The following GATA3 variants were observed in gnomAD, a reference collection of about 807,000 sequenced individuals.
The protein encoded by GATA3 is GATA binding protein 3.
In GATA3, 6 loss-of-function variants were observed where a neutral mutation model predicts 36.0. That is an observed-to-expected ratio of 0.17 (90% confidence interval 0.09 to 0.33). The LOEUF (loss-of-function observed/expected upper bound fraction) is 0.33. Among genes scored for constraint, GATA3 ranks in the 10% least tolerant of loss-of-function variants. The probability of loss-of-function intolerance (pLI) is 1.00; values close to 1 mark genes in which losing one functional copy is unlikely to be tolerated. For synonymous variants in GATA3, 326 were observed against 273.0 expected, an observed-to-expected ratio of 1.19 and a Z score of -1.92; for missense variants, 514 against 610.1, an observed-to-expected ratio of 0.84 and a Z score of 1.66.
chr10:8,046,333 T>C (rs1009286863), intron 1 of GATA3, among the ~76,000 whole-genome samples: 2 of 152,174 alleles, frequency 1.3e-5, no homozygotes, highest in African/African-American at 4.8e-5. Flanking sequence ...ACAGGGTGCC[T>C]GAGGAAAGTG....
Position 8,057,746 on chromosome 10 carries a change from G to A in GATA3, c.242-559G>A, listed in dbSNP as rs552069997. On this transcript the variant is annotated intron_variant, in intron 2 of 5. Coordinates refer to ENST00000379328, the MANE Select transcript of GATA3 (RefSeq NM_001002295.2). Reference sequence around the variant, plus strand: ...AAAGTCTCCTGACTTCTGTCCCAAGGCCTCTCCTTCCTGTATTTGGTGCTG... The same window carrying A: ...AAAGTCTCCTGACTTCTGTCCCAAGACCTCTCCTTCCTGTATTTGGTGCTG... Among the ~76,000 whole-genome samples the A allele has an allele frequency of 3.3e-5, 5 of 152,230 alleles. No individual in the cohort carries two copies. The East Asian group carries it at 9.7e-4, about 29-fold the overall frequency.
chr10:8,046,866 G>A (rs1467067203), intron 1 of GATA3, among the ~76,000 whole-genome samples: 1 of 152,094 alleles, frequency 6.6e-6, no homozygotes, highest in African/African-American at 2.4e-5. Context: ...GGCCCTGCTT[G>A]CAGCTCCCAG....
At position 8,063,973 on chromosome 10, in the gene GATA3, A is replaced by T. The variant is rs762632763; in HGVS notation, c.779-20A>T. ...CGTGTTTTCCTTCCCTAAGTGGCTT[A>T]TCTGTGCTTTTGTTTCCAGAAGGCA... On this transcript the variant is annotated intron_variant, in intron 3 of 5. Transcript: ENST00000379328. 1.2e-6 allele frequency: 2 copies of T among 1,614,058 alleles called. No homozygotes were observed. Among genetic ancestry groups the T allele is most frequent in the East Asian group, 4.5e-5 (2 of 44,894 alleles).
At position 8,047,828 on chromosome 10, in the gene GATA3, C is replaced by A. The variant is rs934395682; in HGVS notation, c.-370+2313C>A. 4.6e-5 allele frequency among the ~76,000 whole-genome samples: 7 copies of A among 152,248 alleles called. No individual in the cohort carries two copies. The South Asian group carries it at 1.5e-3, about 32-fold the overall frequency. On this transcript the variant is annotated intron_variant, in intron 1 of 1. Transcript: ENST00000643001. ...GGAGGGAGGGGCTGCGGGTAGGGGG[C>A]AGTCCGGGACCAAGGGAGGCCGGGA...
Position 8,061,089 on chromosome 10 carries a change from C to CTCTCTCTCTCTCTCTCTT in GATA3, c.778+2249_778+2250insCTCTCTCTCTCTCTCTTT, listed in dbSNP as rs754738004. Among the ~76,000 whole-genome samples, 1,380 of 145,702 alleles carry CTCTCTCTCTCTCTCTCTT rather than the reference C, an allele frequency of 9.5e-3. 8 individuals are homozygous for CTCTCTCTCTCTCTCTCTT. The highest frequency in any genetic ancestry group is 0.031 in the Middle Eastern group (9 of 286). On this transcript the variant is annotated intron_variant, in intron 3 of 5. Coordinates refer to ENST00000379328, the MANE Select transcript of GATA3 (RefSeq NM_001002295.2). ...TTGCTCTCTCTCTCTCTCTCTCTCT[C>CTCTCTCTCTCTCTCTCTT]TTTTTTACCCCTTTAACCTCTTCTT...
chr10:8,062,382 A>T (rs1156725599), intron 3 of GATA3, among the ~76,000 whole-genome samples: 1 of 150,352 alleles, frequency 6.7e-6, no homozygotes, highest in Admixed American at 6.6e-5. Context: ...TTTTTTAAAA[A>T]ACAAAGTAGA....
At chr10:8,069,623 A>G (rs2131512550) in intron 5 of GATA3, 25 bp downstream of exon 5, 1 of 1,613,772 alleles carries the variant, frequency 6.2e-7, no homozygotes, top group Non-Finnish European at 8.5e-7. Context: ...ATCAGCAAGA[A>G]CAGGGCTCGC....
chr10:8,059,702 T>C (rs1460711303), intron 3 of GATA3, among the ~76,000 whole-genome samples: 5 of 152,230 alleles, frequency 3.3e-5, no homozygotes, highest in African/African-American at 1.2e-4. Flanking sequence ...ATTCAGTTGG[T>C]GTCATTACTT....
rs3824667 is a variant in GATA3, at chr10:8,058,162, A to G, written c.242-143A>G. 693,783 of 840,762 alleles carry G rather than the reference A, an allele frequency of 0.83. 290,449 individuals are homozygous for G. The highest frequency in any genetic ancestry group is 0.96 in the East Asian group (36,412 of 38,082). 52.1% of individuals were successfully genotyped at this position (840,762 alleles called of 1,614,324 possible). A position where few individuals can be genotyped will look rare whatever the true frequency, so the allele number is the denominator to read the frequency against. On this transcript the variant is annotated intron_variant, in intron 2 of 5. Transcript: ENST00000379328. ...CCAGGCAGGTACTCCGGGGACCGCC[A>G]GGATGAGAGAGTGGGCCTGAGCCCG... is the stretch of plus-strand genomic sequence containing the variant.
chr10:8,060,950 C>A (rs1041284394), intron 3 of GATA3, among the ~76,000 whole-genome samples: 1 of 152,016 alleles, frequency 6.6e-6, no homozygotes, highest in African/African-American at 2.4e-5. Flanking sequence ...GCAGGGGCGG[C>A]GAGCGAGCTG....
Position 8,069,578 on chromosome 10 carries a change from C to T in GATA3, c.1030C>T (p.Leu344Phe). ...NGDPVCNACG[L>F]YYKLHNINRP... ...GGACCCTGTCTGCAATGCCTGTGGG[C>T]TCTACTACAAGCTTCACAATGTAAG... is the stretch of plus-strand genomic sequence containing the variant. Residue 344 changes from leucine (L) to phenylalanine (F), a missense_variant, in exon 5 of 6, where the codon CTC (leucine) becomes TTC (phenylalanine). This residue lies in a region of GATA3 where 44 missense variants were observed against 151.5 expected (regional missense o/e 0.29). Coordinates refer to ENST00000379328, the MANE Select transcript of GATA3 (RefSeq NM_001002295.2). The T allele has an allele frequency of 6.2e-7, 1 of 1,614,096 alleles. No homozygotes were observed. Among genetic ancestry groups the T allele is most frequent in the Non-Finnish European group, 8.5e-7 (1 of 1,179,992 alleles).
chr10:8,050,269 C>G (rs1332390404), upstream of GATA3, among the ~76,000 whole-genome samples: 1 of 152,232 alleles, frequency 6.6e-6, no homozygotes, highest in African/African-American at 2.4e-5. Context: ...ACAATGGCCT[C>G]TATTAAAATG....
chr10:8,064,308 C>CTTTTTTTTTTTTTTTTTTTTTTTTTTTT (rs1315616378), intron 4 of GATA3, among the ~76,000 whole-genome samples, 170 bp downstream of exon 4: 1 of 114,134 alleles, frequency 8.8e-6, no homozygotes, highest in Non-Finnish European at 1.7e-5. Context: ...TTTTCTTCTT[C>CTTTTTTTTTTTTTTTTTTTTTTTTTTTT]TTCTTTTTTT....
rs748957422 is a variant in GATA3, at chr10:8,073,946, C to A, written c.1258C>A (p.Pro420Thr). 4 of 1,614,152 alleles carry A rather than the reference C, an allele frequency of 2.5e-6. No homozygotes were observed. The highest frequency in any genetic ancestry group is 1.6e-4 in the Middle Eastern group (1 of 6,062). ...FSHSSHMLTT[P>T]TPMHPPSSLS... The stretch of plus-strand genomic sequence containing the variant: ...CCACTCCAGCCACATGCTGACCACG[C>A]CCACGCCGATGCACCCGCCATCCAG... Residue 420 changes from proline to threonine, a missense_variant, in exon 6 of 6, where the codon CCC becomes ACC. This residue lies in a region of GATA3 where 89 missense variants were observed against 104.2 expected (regional missense o/e 0.85). Transcript: ENST00000379328.
chr10:8,055,739 C>G lies in GATA3; in HGVS notation c.84C>G (p.His28Gln). The G allele has an allele frequency of 1.9e-6, 3 of 1,576,042 alleles. No homozygotes were observed. Among genetic ancestry groups the G allele is most frequent in the Non-Finnish European group, 2.6e-6 (3 of 1,160,984 alleles). Reference sequence around the variant, plus strand: ...ACGGGCAGCACCCGGACACGCACCACCCGGGCCTCAGCCACTCCTACATGG... The same window carrying G: ...ACGGGCAGCACCCGGACACGCACCAGCCGGGCCTCAGCCACTCCTACATGG... ...VLNGQHPDTH[H>Q]PGLSHSYMDA... Residue 28 changes from histidine (H) to glutamine (Q), a missense_variant, in exon 2 of 6, where the codon CAC (histidine) becomes CAG (glutamine). His to Gln is a conservative substitution (Grantham distance 24). Transcript: ENST00000379328. The surrounding 1 kb of genome is among the most constrained non-coding windows in gnomAD (Gnocchi z 5.4).
Position 8,074,846 on chromosome 10 carries a change from C to T in GATA3, c.*823C>T, listed in dbSNP as rs541602284. On this transcript the variant is annotated 3_prime_UTR_variant, in exon 6 of 6. Transcript: ENST00000379328. ...GTTTGTTTGTTTCAATATTTTCCTT[C>T]TCTCTCAATTTTTGGTTGAATAAAC... is the stretch of plus-strand genomic sequence containing the variant. 1 of 233,730 alleles carries T rather than the reference C, an allele frequency of 4.3e-6. No homozygotes were observed. The highest frequency in any genetic ancestry group is 6.0e-5 in the East Asian group (1 of 16,592). 14.5% of individuals were successfully genotyped at this position (233,730 alleles called of 1,614,324 possible).
chr10:8,068,317 A>C (rs1037373095), intron 4 of GATA3, among the ~76,000 whole-genome samples: 12 of 152,216 alleles, frequency 7.9e-5, no homozygotes. Context: ...GTGGACTGGC[A>C]TCAGAGGAGG....
upstream of GATA3, chr10:8,050,651 G>C (rs115284275): frequency 6.9e-4 from 153 of 221,146 alleles, no homozygotes; most frequent in African/African-American, 3.5e-3. Context: ...GGACCGCCCA[G>C]GCAGGCGCCG....
Position 8,058,365 on chromosome 10 carries a change from A to G in GATA3, c.302A>G (p.Lys101Arg). ...TCCCTACCCTGGCTGGACGGCGGCA[A>G]AGCCCTGGGCAGCCACCACACCGCC... Reference protein sequence around the residue: ...HGSLPWLDGGKALGSHHTASP... With the variant: ...HGSLPWLDGGRALGSHHTASP... Residue 101 changes from lysine (K) to arginine (R), a missense_variant, in exon 3 of 6, where the codon AAA becomes AGA. By Grantham distance (26) the Lys-to-Arg change is conservative. Coordinates refer to ENST00000379328, the MANE Select transcript of GATA3 (RefSeq NM_001002295.2). 7 of 1,612,978 alleles carry G rather than the reference A, an allele frequency of 4.3e-6. No individual in the cohort carries two copies. The highest frequency in any genetic ancestry group is 5.9e-6 in the Non-Finnish European group (7 of 1,179,996).
Sources: gnomAD v4.1 joint callset for allele counts (sites outside exome capture counted in the v4.1 genomes callset) on GRCh38, gnomAD v4.1.1 for gene constraint, gnomAD v4.1.1 regional missense constraint, Gnocchi (gnomAD v3.1) non-coding constraint, MANE v1.5 for transcripts, NCBI Gene and HGNC (gene_info 2026-07-23, HGNC 2026-07-21) for gene names.